The following COL6A6 variants were observed in gnomAD, a reference collection of about 807,000 sequenced individuals.
The protein encoded by COL6A6 is collagen alpha-6(VI) chain.
In COL6A6, 183 loss-of-function variants were observed where a neutral mutation model predicts 208.6. The observed-to-expected ratio is 0.88, with a 90% CI of 0.78 to 0.99. The LOEUF is 0.99. COL6A6 is among the 50% of genes least tolerant of loss of function. The pLI, the probability that COL6A6 is intolerant of heterozygous loss-of-function variation, is 0.00. For missense variants in COL6A6, 2,816 were observed against 2,815.2 expected (o/e 1.00, Z -0.01); for synonymous variants, 973 against 1,011.8 (o/e 0.96, Z 0.73).
chr3:130,599,414 A>C (rs894314695), intron 19 of COL6A6, among the ~76,000 whole-genome samples: 2 of 152,192 alleles, frequency 1.3e-5, no homozygotes, highest in Admixed American at 6.5e-5. Flanking sequence ...AACCAGTAGT[A>C]GCCATACCTG....
At chr3:130,645,269 C>A (rs1168562843) in intron 32 of COL6A6, among the ~76,000 whole-genome samples, 1 of 152,064 alleles carries the variant, frequency 6.6e-6, no homozygotes, top group Non-Finnish European at 1.5e-5. Flanking sequence ...ACTAACATCA[C>A]CATTCACCTT....
chr3:130,592,463 C>A (rs1302536901), intron 13 of COL6A6, 78 bp from the exon 14 acceptor site: 1 of 1,190,252 alleles, frequency 8.4e-7, no homozygotes, highest in Non-Finnish European at 1.2e-6. Context: ...TTTTTGGTAA[C>A]AAAAAACTTG....
rs1398408470 is a variant in COL6A6, at chr3:130,635,769, T to G, written c.5091+8T>G. On this transcript the variant is annotated splice_region_variant and intron_variant, in intron 28 of 36. Transcript: ENST00000358511. ...GGAGCTAGAGGCAAAATGGTAAGCT[T>G]CTTAGATTCCAATTGCTGACAACCT... 6.2e-7 allele frequency: 1 copy of G among 1,606,370 alleles called. No homozygotes were observed. Among genetic ancestry groups the G allele is most frequent in the Admixed American group, 1.7e-5 (1 of 59,848 alleles).
Position 130,665,095 on chromosome 3 carries a change from A to G in COL6A6, c.6595A>G (p.Ser2199Gly). The G allele has an allele frequency of 6.2e-7, 1 of 1,602,886 alleles. No homozygotes were observed. The highest frequency in any genetic ancestry group is 8.5e-7 in the Non-Finnish European group (1 of 1,172,586). The change falls in exon 36 of 37, where the codon AGC (serine) becomes GGC (glycine). Residue 2199 changes from serine to glycine, a missense_variant and splice_region_variant. Coordinates refer to ENST00000358511, the MANE Select transcript of COL6A6 (RefSeq NM_001102608.3). ...AAAGCAGCCCCCACGACCATTCCGA[A>G]GGTACTGTCTGTTTGGTGTTACTTG... is the stretch of plus-strand genomic sequence containing the variant. ...DPKQPPRPFR[S>G]FVPGPLKATL...
chr3:130,649,621 C>T, intron 33 of COL6A6, 59 bp downstream of exon 33: 1 of 1,454,610 alleles, frequency 6.9e-7, no homozygotes. Context: ...TATTCAGAAG[C>T]CCCTATACTA....
At chr3:130,619,475 G>A (rs1440545811) in intron 23 of COL6A6, among the ~76,000 whole-genome samples, 1 of 152,182 alleles carries the variant, frequency 6.6e-6, no homozygotes, top group Non-Finnish European at 1.5e-5. Context: ...GGCTGCAGAG[G>A]CATGCAATTC....
chr3:130,648,699 A>C (rs2065531384), intron 32 of COL6A6, among the ~76,000 whole-genome samples: 2 of 152,232 alleles, frequency 1.3e-5, no homozygotes, highest in South Asian at 4.1e-4. Context: ...AAAAAAAGAA[A>C]TGTGTTTAAC....
chr3:130,626,416 A>C (rs559037072), intron 24 of COL6A6, 69 bp from the exon 25 acceptor site: 1 of 1,107,722 alleles, frequency 9.0e-7, no homozygotes, highest in South Asian at 1.2e-5. Context: ...TGTGTGATCC[A>C]CACAGATGAG....
chr3:130,572,485 A>G (rs1474177621), intron 7 of COL6A6, among the ~76,000 whole-genome samples: 1 of 152,218 alleles, frequency 6.6e-6, no homozygotes, highest in East Asian at 1.9e-4. Flanking sequence ...AAACTCATCT[A>G]ACTTCTCTGG....
intron 33 of COL6A6, among the ~76,000 whole-genome samples, chr3:130,653,854 A>G (rs2065713356): frequency 6.6e-6 from 1 of 152,188 alleles, no homozygotes; most frequent in Non-Finnish European, 1.5e-5. Flanking sequence ...GTGAGAGTGC[A>G]GACCCCCTGT....
intron 12 of COL6A6, among the ~76,000 whole-genome samples, chr3:130,590,782 T>C (rs2063692545): frequency 6.6e-6 from 1 of 151,666 alleles, no homozygotes; most frequent in Non-Finnish European, 1.5e-5. Context: ...TTAGCCAGGA[T>C]GGTCTCGATC....
chr3:130,621,855 A>C lies in COL6A6; in HGVS notation c.4850A>C (p.Gln1617Pro). ...PPGPGGEAGN[Q>P]GRLGSQGNKG... The stretch of plus-strand genomic sequence containing the variant: ...GGACCCGGAGGAGAGGCAGGGAATC[A>C]AGGCCGTTTGGGAAGCCAAGGAAAT... The change falls in exon 24 of 37, where the codon CAA (glutamine) becomes CCA (proline). Residue 1617 changes from glutamine to proline, a missense_variant. Transcript: ENST00000358511. The C allele has an allele frequency of 5.0e-6, 8 of 1,613,940 alleles. No homozygotes were observed. The highest frequency in any genetic ancestry group is 5.9e-6 in the Non-Finnish European group (7 of 1,179,814).
Position 130,599,764 on chromosome 3 carries a change from G to A in COL6A6, c.4607G>A (p.Arg1536Lys). 1.9e-6 allele frequency: 3 copies of A among 1,613,758 alleles called. No individual in the cohort carries two copies. The highest frequency in any genetic ancestry group is 2.5e-6 in the Non-Finnish European group (3 of 1,179,760). ...TGTCTGTTCCTTTGACAGGGCAGAA[G>A]AGGCTGGCCAGGCCCCCCCGGGACA... ...LKGERGRQGR[R>K]GWPGPPGTPG... is the part of the protein sequence containing the mutation. Residue 1536 changes from arginine (R) to lysine (K), a missense_variant, in exon 20 of 37, where the codon AGA becomes AAA. By Grantham distance (26) the Arg-to-Lys change is conservative. Coordinates refer to ENST00000358511, the MANE Select transcript of COL6A6 (RefSeq NM_001102608.3).
intron 1 of COL6A6, among the ~76,000 whole-genome samples, chr3:130,529,980 A>G (rs942757517): frequency 1.3e-5 from 2 of 152,182 alleles, no homozygotes; most frequent in African/African-American, 2.4e-5. Context: ...CCGTATTAGC[A>G]TCACCTGGAA....
intron 34 of COL6A6, among the ~76,000 whole-genome samples, chr3:130,660,005 A>G (rs1470070833): frequency 1.3e-5 from 2 of 152,224 alleles, no homozygotes; most frequent in Non-Finnish European, 2.9e-5. Context: ...AGTGCTTTAC[A>G]TACTGTGGGG....
chr3:130,608,804 A>C, intron 21 of COL6A6, 98 bp from the exon 22 acceptor site: 1 of 193,186 alleles, frequency 5.2e-6, no homozygotes, highest in East Asian at 1.4e-4. Flanking sequence ...AAGATCCTGC[A>C]TTGACATTGT....
At chr3:130,639,899 G>A (rs1404076187) in intron 28 of COL6A6, among the ~76,000 whole-genome samples, 2 of 152,068 alleles carry the variant, frequency 1.3e-5, no homozygotes. Flanking sequence ...TAAAGGTCTG[G>A]CTGCCAGCTT....
chr3:130,667,535 G>C (rs1199671467), intron 36 of COL6A6, among the ~76,000 whole-genome samples: 1 of 151,972 alleles, frequency 6.6e-6, no homozygotes, highest in Non-Finnish European at 1.5e-5. Flanking sequence ...CACCGAACCT[G>C]GCCTAAACAA....
chr3:130,527,265 C>T (rs535366949), intron 1 of COL6A6, among the ~76,000 whole-genome samples: 1 of 152,282 alleles, frequency 6.6e-6, no homozygotes, highest in Non-Finnish European at 1.5e-5. Flanking sequence ...TCTTCTTTGA[C>T]CTTGTTTTCT....
Sources: allele counts gnomAD v4.1 joint callset (sites outside exome capture counted in the v4.1 genomes callset), GRCh38; gene constraint gnomAD v4.1.1; transcripts MANE v1.5; gene names NCBI Gene and HGNC (gene_info 2026-07-23, HGNC 2026-07-21).